The following ABCA1 variants were observed in gnomAD, a reference collection of about 807,000 sequenced individuals.
ABCA1 encodes ATP binding cassette subfamily A member 1, also known as phospholipid-transporting ATPase ABCA1.
Under a neutral mutation model 262.5 loss-of-function variants are expected in ABCA1, and 133 were observed. The ratio of observed to expected loss-of-function variants is 0.51; its 90% confidence interval spans 0.44 to 0.59. The LOEUF (loss-of-function observed/expected upper bound fraction) is 0.59. ABCA1 is among the 20% of genes least tolerant of loss of function. ABCA1 has a pLI of 0.00. For missense variants in ABCA1, 2,452 were observed against 2,777.5 expected (o/e 0.88, Z 2.63); for synonymous variants, 1,022 against 1,043.5 (o/e 0.98, Z 0.40).
chr9:104,784,556 G>T, intron 49 of ABCA1, 101 bp from the exon 50 acceptor site: 1 of 1,393,906 alleles, frequency 7.2e-7, no homozygotes, highest in Non-Finnish European at 1.0e-6. Context: ...TCAAGTAGGA[G>T]CATACAGAAT....
chr9:104,839,976 T>C (rs1262074726), intron 9 of ABCA1, among the ~76,000 whole-genome samples: 1 of 152,226 alleles, frequency 6.6e-6, no homozygotes, highest in Non-Finnish European at 1.5e-5. Context: ...ATTATCTCAT[T>C]CTTGATCACC....
intron 37 of ABCA1, among the ~76,000 whole-genome samples, chr9:104,798,069 A>T (rs1207215760): frequency 6.6e-6 from 1 of 152,224 alleles, no homozygotes; most frequent in East Asian, 1.9e-4. Flanking sequence ...GGCAAAGAAC[A>T]TTCTGACTCT....
chr9:104,821,249 T>TA (rs1471854505), intron 20 of ABCA1, 126 bp downstream of exon 20: 13 of 1,365,478 alleles, frequency 9.5e-6, no homozygotes, highest in East Asian at 2.4e-5. Context: ...CTCAAAAAAA[T>TA]AAAAAAGAAA....
intron 1 of ABCA1, among the ~76,000 whole-genome samples, chr9:104,918,887 C>T (rs529597146): frequency 6.6e-6 from 1 of 152,154 alleles, no homozygotes; most frequent in Non-Finnish European, 1.5e-5. Flanking sequence ...CAAAGACTTG[C>T]TTCTTCAAGA....
intron 44 of ABCA1, among the ~76,000 whole-genome samples, chr9:104,788,959 G>C (rs747518801): frequency 1.3e-5 from 2 of 152,200 alleles, no homozygotes; most frequent in Admixed American, 1.3e-4. Context: ...AAATGAGAAG[G>C]CCCAGAAATT....
At chr9:104,912,384 G>T (rs1321804388) in intron 1 of ABCA1, among the ~76,000 whole-genome samples, 1 of 152,152 alleles carries the variant, frequency 6.6e-6, no homozygotes. Flanking sequence ...GGGCTACAGT[G>T]CAAGACCCTG....
intron 6 of ABCA1, among the ~76,000 whole-genome samples, chr9:104,859,899 A>G (rs1836191137): frequency 1.3e-5 from 2 of 152,112 alleles, no homozygotes; most frequent in Admixed American, 1.3e-4. Context: ...TACTAAAAAT[A>G]CAACAATTAG....
At position 104,822,060 on chromosome 9, in the gene ABCA1, C is replaced by T. The variant is rs148645666; in HGVS notation, c.2828+436G>A. On this transcript the variant is annotated intron_variant, in intron 19 of 49. Transcript: ENST00000374736. ...AACGCTGGTGCTTTACAGCCCCTGA[C>T]CCCTCCTGATACTACCCACTGTAAG... Among the ~76,000 whole-genome samples the T allele has an allele frequency of 7.2e-3, 1,093 of 152,294 alleles. 9 individuals are homozygous for T. The highest frequency in any genetic ancestry group is 0.025 in the African/African-American group (1,036 of 41,550).
intron 42 of ABCA1, 36 bp downstream of exon 42, chr9:104,792,750 A>C (rs768105816): frequency 5.6e-6 from 9 of 1,613,944 alleles, no homozygotes; most frequent in Non-Finnish European, 1.7e-6. Flanking sequence ...GCTGAAAAAA[A>C]CTGAAGATGA....
At position 104,878,924 on chromosome 9, in the gene ABCA1, G is replaced by A. The variant is rs140087151; in HGVS notation, c.421+4115C>T. ...CTTCCCAACTGGATCACAGAAGCAG[G>A]AGCCCAGTGGCCCAGCACTGATTAC... is the stretch of plus-strand genomic sequence containing the variant. On this transcript the variant is annotated intron_variant, in intron 5 of 49. Transcript: ENST00000374736. Among the ~76,000 whole-genome samples the A allele has an allele frequency of 2.8e-3, 421 of 152,144 alleles. 2 individuals are homozygous for A. Among genetic ancestry groups the A allele is most frequent in the African/African-American group, 9.6e-3 (400 of 41,516 alleles).
chr9:104,785,297 C>G, intron 49 of ABCA1, 99 bp downstream of exon 49: 2 of 1,489,336 alleles, frequency 1.3e-6, no homozygotes, highest in Non-Finnish European at 1.8e-6. Context: ...ATTCAAGCAC[C>G]AATTCAAGAT....
At chr9:104,919,062 C>T (rs1841993217) in intron 1 of ABCA1, among the ~76,000 whole-genome samples, 1 of 152,192 alleles carries the variant, frequency 6.6e-6, no homozygotes, top group African/African-American at 2.4e-5. Context: ...CCTTTTACTC[C>T]TTCTTCTTTC....
At chr9:104,868,289 T>C (rs112460067) in intron 5 of ABCA1, among the ~76,000 whole-genome samples, 6,912 of 152,030 alleles carry the variant, frequency 0.045, 269 homozygotes, top group African/African-American at 0.1. Context: ...GAGGCAGAGG[T>C]TGCAGTGAGC....
chr9:104,825,409 C>G (rs1444430919), intron 17 of ABCA1, among the ~76,000 whole-genome samples: 3 of 152,212 alleles, frequency 2.0e-5, no homozygotes, highest in Admixed American at 1.3e-4. Flanking sequence ...ATTATAGTAA[C>G]TACTTCAGAG....
intron 5 of ABCA1, among the ~76,000 whole-genome samples, chr9:104,881,671 G>C (rs1838667956): frequency 6.6e-6 from 1 of 152,146 alleles, no homozygotes; most frequent in African/African-American, 2.4e-5. Flanking sequence ...TCTTGCTACA[G>C]AGGTAAAGGA....
At chr9:104,919,838 T>C (rs2118531322) in intron 1 of ABCA1, among the ~76,000 whole-genome samples, 1 of 152,248 alleles carries the variant, frequency 6.6e-6, no homozygotes, top group South Asian at 2.1e-4. Flanking sequence ...TCAAAGCAGG[T>C]AAATAGGAAA....
At chr9:104,903,394 A>G (rs1271560250) in intron 2 of ABCA1, among the ~76,000 whole-genome samples, 1 of 152,168 alleles carries the variant, frequency 6.6e-6, no homozygotes, top group Non-Finnish European at 1.5e-5. Context: ...AGTAGCACAA[A>G]CCAAAGCTAC....
chr9:104,902,595 C>G (rs887494585), intron 2 of ABCA1, among the ~76,000 whole-genome samples: 2 of 152,208 alleles, frequency 1.3e-5, no homozygotes, highest in African/African-American at 4.8e-5. Flanking sequence ...TGTATAATAA[C>G]AGCCTATAAG....
At chr9:104,837,373 G>A (rs948805278) in intron 10 of ABCA1, 55 bp downstream of exon 10, 1 of 1,607,710 alleles carries the variant, frequency 6.2e-7, no homozygotes, top group Non-Finnish European at 8.5e-7. Context: ...TGAGTTTTTT[G>A]CCCCCAGTTC....
Sources: gnomAD v4.1 joint callset for allele counts (sites outside exome capture counted in the v4.1 genomes callset) on GRCh38, gnomAD v4.1.1 for gene constraint, MANE v1.5 for transcripts, NCBI Gene and HGNC (gene_info 2026-07-23, HGNC 2026-07-21) for gene names.